The following WBP11 variants were observed in gnomAD, a reference collection of about 807,000 sequenced individuals.
WBP11 encodes WW domain binding protein 11.
WBP11 carries 12 observed loss-of-function variants against 66.7 expected under a neutral mutation model. The observed-to-expected ratio is 0.18, with a 90% CI of 0.12 to 0.29. WBP11 has a LOEUF of 0.29. Among genes scored for constraint, WBP11 ranks in the 10% least tolerant of loss-of-function variants. WBP11 has a pLI of 1.00. For synonymous variants in WBP11, 255 were observed against 273.8 expected (o/e 0.93, Z 0.68); for missense variants, 555 against 818.3 (o/e 0.68, Z 3.93).
At position 14,785,733 on chromosome 12, in the gene WBP11, C is replaced by A. The variant is rs1949746755; in HGVS notation, c.*1332G>T. 6.6e-6 allele frequency: 1 copy of A among 152,154 alleles called. No individual in the cohort carries two copies. Among genetic ancestry groups the A allele is most frequent in the Non-Finnish European group, 1.5e-5 (1 of 68,020 alleles). 9.4% of individuals were successfully genotyped at this position (152,154 alleles called of 1,614,324 possible). ...CACCAATTTTTGATAGTATGGGATT[C>A]ATGTAAAAGGCATTTGAGATACTGT... On this transcript the variant is annotated 3_prime_UTR_variant, in exon 12 of 12. Coordinates refer to ENST00000261167, the MANE Select transcript of WBP11 (RefSeq NM_016312.3).
chr12:14,794,406 G>C, intron 7 of WBP11, 131 bp downstream of exon 7: 2 of 964,714 alleles, frequency 2.1e-6, no homozygotes, highest in South Asian at 1.3e-5. Flanking sequence ...TTATCCAACT[G>C]TATGTATATT....
intron 8 of WBP11, among the ~76,000 whole-genome samples, chr12:14,791,551 G>A (rs1949822420): frequency 6.6e-6 from 1 of 152,182 alleles, no homozygotes; most frequent in Non-Finnish European, 1.5e-5. Flanking sequence ...ATATTAGGAG[G>A]AAATTCAGCC....
intron 3 of WBP11, 78 bp downstream of exon 3, chr12:14,800,674 T>C: frequency 4.6e-6 from 6 of 1,297,130 alleles, no homozygotes. Flanking sequence ...GAAATGTTAT[T>C]CTGAAACCCA....
At chr12:14,803,304 G>T (rs1376874901) in intron 1 of WBP11, 48 bp downstream of exon 1, 1 of 397,010 alleles carries the variant, frequency 2.5e-6, no homozygotes, top group Admixed American at 4.4e-5. Flanking sequence ...GGACGTGGAA[G>T]GGACGAAAGA....
In WBP11 at chr12:14,796,739, CT is replaced by C. The variant is rs1949898809; in HGVS notation, c.387+67del. 1 of 1,435,942 alleles carries C rather than the reference CT, an allele frequency of 7.0e-7. No individual in the cohort carries two copies. The highest frequency in any genetic ancestry group is 1.5e-5 in the African/African-American group (1 of 67,648). The allele number at this position is 1,435,942 out of a possible 1,614,324, so 89.0% of individuals were successfully genotyped here. On this transcript the variant is annotated intron_variant, in intron 5 of 11. Coordinates refer to ENST00000261167, the MANE Select transcript of WBP11 (RefSeq NM_016312.3). This position sits in a 1 kb window ranked among gnomAD's most constrained non-coding sequence, Gnocchi z 4.5. ...TCCAAAACACTTCTGGTCCCAAGCA[CT>C]TTGCATAAGGGATACTCAATCTGTA...
Position 14,801,227 on chromosome 12 carries a change from G to A in WBP11, c.64+93C>T, listed in dbSNP as rs1019834275. Reference sequence around the variant, plus strand: ...TAATTTATTCCTCCTATCACTGCTGGTCTTGTAATTAAGCCACAGAGAAAG... The same window carrying A: ...TAATTTATTCCTCCTATCACTGCTGATCTTGTAATTAAGCCACAGAGAAAG... On this transcript the variant is annotated intron_variant, in intron 2 of 11. Transcript: ENST00000261167. 1.8e-5 allele frequency: 23 copies of A among 1,265,532 alleles called. No homozygotes were observed. In the Admixed American group the frequency reaches 3.5e-4, roughly 19 times the overall value. The allele number at this position is 1,265,532 out of a possible 1,614,324, so 78.4% of individuals were successfully genotyped here. A position where few individuals can be genotyped will look rare whatever the true frequency, so the allele number is the denominator to read the frequency against.
chr12:14,796,779 T>C lies in WBP11; in HGVS notation c.387+28A>G, dbSNP rs1228228892. On this transcript the variant is annotated intron_variant, in intron 5 of 11. Coordinates refer to ENST00000261167, the MANE Select transcript of WBP11 (RefSeq NM_016312.3). This position sits in a 1 kb window ranked among gnomAD's most constrained non-coding sequence, Gnocchi z 4.5. ...ACTCAATCTGTATAATATTTTAGTTTATCTCTCAAAAAAAAAACCTTGATT... is the reference window on the plus strand; with the variant it reads ...ACTCAATCTGTATAATATTTTAGTTCATCTCTCAAAAAAAAAACCTTGATT... 6.4e-7 allele frequency: 1 copy of C among 1,569,350 alleles called. No individual in the cohort carries two copies. Among genetic ancestry groups the C allele is most frequent in the Non-Finnish European group, 8.6e-7 (1 of 1,167,484 alleles).
chr12:14,791,666 A>C (rs1949823589), intron 8 of WBP11, among the ~76,000 whole-genome samples: 1 of 152,262 alleles, frequency 6.6e-6, no homozygotes, highest in Non-Finnish European at 1.5e-5. Context: ...TCTACTGGCC[A>C]ACATAAAATA....
intron 4 of WBP11, 67 bp downstream of exon 4, chr12:14,799,568 T>G: frequency 2.0e-6 from 3 of 1,466,608 alleles, no homozygotes; most frequent in Non-Finnish European, 2.8e-6. Context: ...CCTATGCTGC[T>G]TCACTCGTTA....
chr12:14,787,435 G>C lies in WBP11; in HGVS notation c.1556C>G (p.Pro519Arg). 1.3e-6 allele frequency: 2 copies of C among 1,548,710 alleles called. No homozygotes were observed. Among genetic ancestry groups the C allele is most frequent in the Non-Finnish European group, 1.7e-6 (2 of 1,145,336 alleles). ...PPLVPPLGPAPPGLFPPAPLP... is the reference protein window; with the variant it reads ...PPLVPPLGPARPGLFPPAPLP... ...GGGAGCTGGTGGGAACAGCCCAGGG[G>C]GGGCAGGTCCAAGGGGAGGCACCAA... The change falls in exon 12 of 12, where the codon CCC becomes CGC. Residue 519 changes from proline (P) to arginine (R), a missense_variant. Transcript: ENST00000261167.
rs182056093 is a variant in WBP11, at chr12:14,797,946, T to C, written c.191-943A>G. Among the ~76,000 whole-genome samples, 85 of 152,294 alleles carry C rather than the reference T, an allele frequency of 5.6e-4. No individual in the cohort carries two copies. In the Middle Eastern group the frequency reaches 0.01, roughly 18 times the overall value. On this transcript the variant is annotated intron_variant, in intron 4 of 11. Coordinates refer to ENST00000261167, the MANE Select transcript of WBP11 (RefSeq NM_016312.3). Reference sequence around the variant, plus strand: ...ATGAGACTGGATTTTGAGGCTAGTTTCTCTCAGGGATTTCTCATCTTTTTT... The same window carrying C: ...ATGAGACTGGATTTTGAGGCTAGTTCCTCTCAGGGATTTCTCATCTTTTTT...
At chr12:14,798,463 T>C (rs924126966) in intron 4 of WBP11, among the ~76,000 whole-genome samples, 2 of 152,142 alleles carry the variant, frequency 1.3e-5, no homozygotes, top group Non-Finnish European at 2.9e-5. Flanking sequence ...AAACAACACA[T>C]AACATTTGGG....
chr12:14,787,275 C>T lies in WBP11; in HGVS notation c.1716G>A (p.Lys572=). Residue 572 remains lysine (K), a synonymous_variant, in exon 12 of 12, where the codon AAG becomes AAA. Coordinates refer to ENST00000261167, the MANE Select transcript of WBP11 (RefSeq NM_016312.3). ...TGGGCACAAATCGAGTAATCTCTGC[C>T]TTGGGATTAGTGATCTGTGGCTTGG... The part of the protein sequence containing the change: ...ISAKPQITNP[K]AEITRFVPTA... The T allele has an allele frequency of 6.2e-7, 1 of 1,614,174 alleles. No homozygotes were observed. The highest frequency in any genetic ancestry group is 1.1e-5 in the South Asian group (1 of 91,088).
At position 14,784,831 on chromosome 12, in the gene WBP11, G is replaced by A. The variant is rs574218439; in HGVS notation, c.*2234C>T. The A allele has an allele frequency of 2.0e-4, 30 of 152,138 alleles. No homozygotes were observed. The highest frequency in any genetic ancestry group is 4.1e-4 in the Non-Finnish European group (28 of 68,022). The allele number at this position is 152,138 out of a possible 1,614,324, so 9.4% of individuals were successfully genotyped here. A position where few individuals can be genotyped will look rare whatever the true frequency, so the allele number is the denominator to read the frequency against. ...CATTTACATTTCATAGCTGTGAGCT[G>A]ACCATTTTCATGAAAATATTATGTA... On this transcript the variant is annotated 3_prime_UTR_variant, in exon 12 of 12. Transcript: ENST00000261167.
intron 7 of WBP11, 91 bp from the exon 8 acceptor site, chr12:14,794,013 T>C: frequency 3.3e-6 from 2 of 608,920 alleles, no homozygotes; most frequent in Non-Finnish European, 4.8e-6. Flanking sequence ...GCTATTCAAC[T>C]CAGACTGTAA....
At chr12:14,789,177 C>G in intron 10 of WBP11, 44 bp from the exon 11 acceptor site, 1 of 1,474,990 alleles carries the variant, frequency 6.8e-7, no homozygotes, top group South Asian at 1.4e-5. Context: ...CAAATGTACA[C>G]TAAGTAATAA....
rs1244264996 is a variant in WBP11 at position 14,794,651 on chromosome 12, G to A, written c.607C>T (p.Pro203Ser). Residue 203 changes from proline (P) to serine (S), a missense_variant, in exon 7 of 12, where the codon CCC (proline) becomes TCC (serine). By Grantham distance (74) the Pro-to-Ser change is moderately conservative. Transcript: ENST00000261167. ...ACTTGAGGAGGAGGTGGACCAGGGG[G>A]AGGGCCAGGAGGTTTTCTGCCAGGG... Reference protein sequence around the residue: ...LPPGRKPPGPPPGPPPPQVVQ... With the variant: ...LPPGRKPPGPSPGPPPPQVVQ... 1 of 1,613,256 alleles carries A rather than the reference G, an allele frequency of 6.2e-7. No homozygotes were observed. Among genetic ancestry groups the A allele is most frequent in the Non-Finnish European group, 8.5e-7 (1 of 1,179,514 alleles).
At position 14,790,716 on chromosome 12, in the gene WBP11, T is replaced by C; in HGVS notation, c.1049A>G (p.Glu350Gly). Residue 350 changes from glutamate to glycine, a missense_variant, in exon 10 of 12, where the codon GAG (glutamate) becomes GGG (glycine). Glu to Gly is a moderately conservative substitution (Grantham distance 98). This residue lies in a region of WBP11 where 230 missense variants were observed against 286.3 expected (regional missense o/e 0.80). Transcript: ENST00000261167. ...QEIPEEGREV[E>G]EFSEDDDEDD... ...TTCATCATCGTCCTCTGAAAATTCC[T>C]CTACTTCCCGTCCCTCCTCAGGGAT... The C allele has an allele frequency of 1.2e-6, 2 of 1,614,162 alleles. No individual in the cohort carries two copies. Among genetic ancestry groups the C allele is most frequent in the Non-Finnish European group, 1.7e-6 (2 of 1,180,004 alleles).
rs1273591554 is a variant in WBP11 at position 14,788,896 on chromosome 12, A to T, written c.1492+55T>A. 5 of 960,932 alleles carry T rather than the reference A, an allele frequency of 5.2e-6. No homozygotes were observed. The South Asian group carries it at 1.1e-4, about 21-fold the overall frequency. 59.5% of individuals were successfully genotyped at this position (960,932 alleles called of 1,614,324 possible). A position where few individuals can be genotyped will look rare whatever the true frequency, so the allele number is the denominator to read the frequency against. On this transcript the variant is annotated intron_variant, in intron 11 of 11. Coordinates refer to ENST00000261167, the MANE Select transcript of WBP11 (RefSeq NM_016312.3). ...ACTGAAATGTGACCATATGTCTTAG[A>T]GCAAATTAAATAAACAGCAGGCTAA...
Sources: gnomAD v4.1 joint callset for allele counts (sites outside exome capture counted in the v4.1 genomes callset) on GRCh38, gnomAD v4.1.1 for gene constraint, gnomAD v4.1.1 regional missense constraint, Gnocchi (gnomAD v3.1) non-coding constraint, MANE v1.5 for transcripts, NCBI Gene and HGNC (gene_info 2026-07-23, HGNC 2026-07-21) for gene names.